The following SYCP2L variants were observed in gnomAD, a reference collection of about 807,000 sequenced individuals.
The protein encoded by SYCP2L is synaptonemal complex protein 2-like.
SYCP2L carries 98 observed loss-of-function variants against 125.8 expected under a neutral mutation model. The ratio of observed to expected loss-of-function variants is 0.78; its 90% CI spans 0.66 to 0.92. The LOEUF (loss-of-function observed/expected upper bound fraction) is 0.92. Ranked by LOEUF, SYCP2L falls within the 40% of genes least tolerant of loss-of-function variation. SYCP2L has a pLI of 0.00. For synonymous variants in SYCP2L, 317 were observed against 325.4 expected, an observed-to-expected ratio of 0.97 and a Z score of 0.28; for missense variants, 842 against 936.4, an observed-to-expected ratio of 0.90 and a Z score of 1.32.
At chr6:10,929,395 C>T (rs1581830924) in intron 18 of SYCP2L, among the ~76,000 whole-genome samples, 1 of 152,160 alleles carries the variant, frequency 6.6e-6, no homozygotes, top group South Asian at 2.1e-4. Context: ...GGCAGGAGGG[C>T]TTGAGGACTG....
At chr6:10,958,661 T>G in intron 25 of SYCP2L, 123 bp from the exon 26 acceptor site, 1 of 867,978 alleles carries the variant, frequency 1.2e-6, no homozygotes, top group Non-Finnish European at 1.8e-6. Flanking sequence ...TCACACTTGC[T>G]TAGCACTCAC....
intron 23 of SYCP2L, among the ~76,000 whole-genome samples, chr6:10,948,464 CAGAG>C (rs961737411): frequency 6.6e-6 from 1 of 152,050 alleles, no homozygotes; most frequent in African/African-American, 2.4e-5. Context: ...CTCATAGAAA[CAGAG>C]AGTAGAAGGG....
chr6:10,891,562 C>G lies in SYCP2L; in HGVS notation c.59C>G (p.Ala20Gly). ...QPIKEDRTGK[A>G]QDDAFWLQSL... is the part of the protein sequence containing the mutation. ...ATTAAGGAAGACAGGACTGGGAAGG[C>G]CCAGGATGATGCTTTCTGGGTAAAG... The change falls in exon 2 of 30, where the codon GCC becomes GGC. Residue 20 changes from alanine (A) to glycine (G), a missense_variant. Physicochemically the swap from Ala to Gly is moderately conservative, Grantham distance 60. Coordinates refer to ENST00000283141, the MANE Select transcript of SYCP2L (RefSeq NM_001040274.3). The G allele has an allele frequency of 1.2e-6, 2 of 1,601,020 alleles. No individual in the cohort carries two copies. The highest frequency in any genetic ancestry group is 1.1e-5 in the South Asian group (1 of 89,790).
chr6:10,950,584 T>C (rs899453825), intron 23 of SYCP2L, among the ~76,000 whole-genome samples: 1 of 152,160 alleles, frequency 6.6e-6, no homozygotes, highest in African/African-American at 2.4e-5. Flanking sequence ...AAGGTCCAAT[T>C]GGTCTTTTGT....
At chr6:10,941,746 T>C (rs1443848003) in intron 21 of SYCP2L, among the ~76,000 whole-genome samples, 3 of 152,202 alleles carry the variant, frequency 2.0e-5, no homozygotes, top group African/African-American at 4.8e-5. Context: ...GTCAGTGTGG[T>C]GATTCCTCAG....
rs181445424 is a variant in SYCP2L at position 10,974,131 on chromosome 6, C to T, written c.*217C>T. 6.6e-6 allele frequency: 1 copy of T among 152,124 alleles called. No homozygotes were observed. Among genetic ancestry groups the T allele is most frequent in the East Asian group, 1.9e-4 (1 of 5,182 alleles). 9.4% of individuals were successfully genotyped at this position (152,124 alleles called of 1,614,324 possible). A position where few individuals can be genotyped will look rare whatever the true frequency, so the allele number is the denominator to read the frequency against. On this transcript the variant is annotated 3_prime_UTR_variant, in exon 30 of 30. Coordinates refer to ENST00000283141, the MANE Select transcript of SYCP2L (RefSeq NM_001040274.3). ...GCAGTTGGGTTATTATCCATTTGTT[C>T]ATAAAAATTAACCTTTTGTATTAAA...
intron 4 of SYCP2L, among the ~76,000 whole-genome samples, chr6:10,895,340 C>T (rs1485537161): frequency 4.6e-5 from 7 of 152,182 alleles, no homozygotes; most frequent in African/African-American, 1.7e-4. Flanking sequence ...AACAAAGGGG[C>T]ACGAGGGCCT....
chr6:10,924,004 G>C (rs1214151800), intron 14 of SYCP2L, among the ~76,000 whole-genome samples: 2 of 152,160 alleles, frequency 1.3e-5, no homozygotes, highest in Admixed American at 1.3e-4. Context: ...TTTCTAAGGT[G>C]TTTCCGTCTC....
At chr6:10,890,374 CT>C (rs1351778999) in intron 1 of SYCP2L, among the ~76,000 whole-genome samples, 7 of 151,964 alleles carry the variant, frequency 4.6e-5, no homozygotes, top group African/African-American at 1.4e-4. Context: ...TGTTTTTTGT[CT>C]TGATAATGGC....
At chr6:10,925,810 T>A (rs778951133) in intron 15 of SYCP2L, among the ~76,000 whole-genome samples, 1 of 152,216 alleles carries the variant, frequency 6.6e-6, no homozygotes, top group African/African-American at 2.4e-5. Flanking sequence ...AAATTACATA[T>A]GTTCTGAAGA....
At chr6:10,916,433 G>T (rs1780697092) in intron 14 of SYCP2L, among the ~76,000 whole-genome samples, 1 of 152,086 alleles carries the variant, frequency 6.6e-6, no homozygotes, top group Non-Finnish European at 1.5e-5. Flanking sequence ...TGCTCTTTCA[G>T]ACTTTTTGAT....
intron 28 of SYCP2L, among the ~76,000 whole-genome samples, chr6:10,962,308 A>ATATATTCCTATGCAT (rs1781608331): frequency 3.1e-5 from 3 of 95,994 alleles, no homozygotes; most frequent in South Asian, 5.1e-4. Flanking sequence ...ATTCCAAAGC[A>ATATATTCCTATGCAT]AAAAAAAAAA....
intron 20 of SYCP2L, among the ~76,000 whole-genome samples, chr6:10,931,823 G>C (rs902744633): frequency 2.0e-5 from 3 of 152,082 alleles, no homozygotes; most frequent in African/African-American, 7.2e-5. Context: ...AAATTAGCCA[G>C]GCGTGGTAGC....
chr6:10,889,221 A>G (rs1780135014), intron 1 of SYCP2L, among the ~76,000 whole-genome samples: 1 of 152,174 alleles, frequency 6.6e-6, no homozygotes, highest in African/African-American at 2.4e-5. Context: ...CCTCTACTCA[A>G]TTATCCACTA....
chr6:10,936,119 T>A (rs1781089784), intron 21 of SYCP2L, among the ~76,000 whole-genome samples: 1 of 152,006 alleles, frequency 6.6e-6, no homozygotes, highest in African/African-American at 2.4e-5. Context: ...TAGTAAGTAC[T>A]TCAATAACAA....
chr6:10,928,423 C>T lies in SYCP2L; in HGVS notation c.1461C>T (p.Phe487=), dbSNP rs572971702. ...SDSHLQPVPP[F]GVPDFPQQPK... is the part of the protein sequence containing the mutation. ...CATAGCTTCAGCCGGTCCCTCCGTT[C>T]GGGGTCCCTGACTTCCCGCAACAAC... is the stretch of plus-strand genomic sequence containing the variant. Residue 487 remains phenylalanine, a synonymous_variant, in exon 18 of 30, where the codon TTC becomes TTT. Transcript: ENST00000283141. 148 of 1,581,910 alleles carry T rather than the reference C, an allele frequency of 9.4e-5. 1 individual carries two copies. The South Asian group carries it at 1.4e-3, about 15-fold the overall frequency.
rs776577955 is a variant in SYCP2L, at chr6:10,927,241, G to A, written c.1314G>A (p.Glu438=). The change falls in exon 17 of 30, where the codon GAG becomes GAA. Residue 438 remains glutamate (E), a splice_region_variant and synonymous_variant. Transcript: ENST00000283141. ...ESPSGLERET[E]QAEESTNMVE... ...TAGTCTTTTTCTTAATTTGTATAGA[G>A]CAGGCAGAAGAATCCACTAACATGG... is the stretch of plus-strand genomic sequence containing the variant. 1 of 1,614,062 alleles carries A rather than the reference G, an allele frequency of 6.2e-7. No individual in the cohort carries two copies. The highest frequency in any genetic ancestry group is 8.5e-7 in the Non-Finnish European group (1 of 1,179,984).
chr6:10,909,668 A>G (rs1397508963), intron 10 of SYCP2L, among the ~76,000 whole-genome samples: 1 of 152,234 alleles, frequency 6.6e-6, no homozygotes, highest in Non-Finnish European at 1.5e-5. Flanking sequence ...CTAGGAGAAG[A>G]CAGTGAGATA....
rs77153064 is a variant in SYCP2L at position 10,958,671 on chromosome 6, C to G, written c.2164-113C>G. ...CCTGATCACACTTGCTTAGCACTCA[C>G]ATTTGCTATGAATATTATTACATGC... On this transcript the variant is annotated intron_variant, in intron 25 of 29. Coordinates refer to ENST00000283141, the MANE Select transcript of SYCP2L (RefSeq NM_001040274.3). The G allele has an allele frequency of 2.0e-3, 1,904 of 973,418 alleles. 29 individuals are homozygous for G. The African/African-American group carries it at 0.027, about 14-fold the overall frequency. 60.3% of individuals were successfully genotyped at this position (973,418 alleles called of 1,614,324 possible).
Sources: gnomAD v4.1 joint callset for allele counts (sites outside exome capture counted in the v4.1 genomes callset) on GRCh38, gnomAD v4.1.1 for gene constraint, MANE v1.5 for transcripts, NCBI Gene and HGNC (gene_info 2026-07-23, HGNC 2026-07-21) for gene names.